HSD17B12: variants seen among roughly 807,000 people sequenced by gnomAD.
HSD17B12 encodes the protein very-long-chain 3-oxoacyl-CoA reductase.
HSD17B12 carries 32 observed loss-of-function variants against 39.3 expected under a neutral mutation model. The ratio of observed to expected loss-of-function variants is 0.81; its 90% CI spans 0.61 to 1.09. HSD17B12 has a LOEUF of 1.09. Ranked by LOEUF, HSD17B12 falls within the 50% of genes least tolerant of loss-of-function variation. The pLI, the probability that HSD17B12 is intolerant of heterozygous loss-of-function variation, is 0.00. For missense variants in HSD17B12, 342 were observed against 382.9 expected, an observed-to-expected ratio of 0.89 and a Z score of 0.89; for synonymous variants, 150 against 146.7, an observed-to-expected ratio of 1.02 and a Z score of -0.16.
In HSD17B12 at chr11:43,840,156, T is replaced by A. The variant is rs139820205; in HGVS notation, c.684+92T>A. ...CTTGGCAATAACAAAAAAAATCATA[T>A]TCCTAAGTAAGTGAATGTGACATTA... On this transcript the variant is annotated intron_variant, in intron 9 of 10. Coordinates refer to ENST00000278353, the MANE Select transcript of HSD17B12 (RefSeq NM_016142.3). 4.2e-4 allele frequency: 418 copies of A among 987,094 alleles called. 2 individuals are homozygous for A. The African/African-American group carries it at 6.0e-3, about 14-fold the overall frequency. 61.1% of individuals were successfully genotyped at this position (987,094 alleles called of 1,614,324 possible). A position where few individuals can be genotyped will look rare whatever the true frequency, so the allele number is the denominator to read the frequency against.
chr11:43,631,487 A>G, the HSD17B12 span, among the ~76,000 whole-genome samples: 1 of 152,120 alleles, frequency 6.6e-6, no homozygotes, highest in Non-Finnish European at 1.5e-5. Context: ...GCTGAGAGAC[A>G]GTAGGTTCCT....
intron 1 of HSD17B12, among the ~76,000 whole-genome samples, chr11:43,702,663 A>T (rs902983628): frequency 6.6e-6 from 1 of 152,172 alleles, no homozygotes; most frequent in African/African-American, 2.4e-5. Context: ...CATCCTAGGG[A>T]TAAATCCCAC....
the HSD17B12 span, among the ~76,000 whole-genome samples, chr11:43,563,535 C>G: frequency 6.6e-6 from 1 of 152,208 alleles, no homozygotes; most frequent in Admixed American, 6.5e-5. Flanking sequence ...CATATTTTGG[C>G]CAGATGCAGT....
chr11:43,786,433 G>C (rs2135021379), intron 3 of HSD17B12, among the ~76,000 whole-genome samples: 2 of 152,134 alleles, frequency 1.3e-5, no homozygotes, highest in Middle Eastern at 6.8e-3. Context: ...AATACAGCCG[G>C]GTGCCACTGC....
chr11:43,763,297 A>C (rs1950568936), intron 3 of HSD17B12, among the ~76,000 whole-genome samples: 1 of 152,128 alleles, frequency 6.6e-6, no homozygotes, highest in African/African-American at 2.4e-5. Flanking sequence ...GGTTATTAGC[A>C]AATCTAGCAT....
At chr11:43,730,814 C>T (rs1950260684) in intron 1 of HSD17B12, among the ~76,000 whole-genome samples, 1 of 152,018 alleles carries the variant, frequency 6.6e-6, no homozygotes. Flanking sequence ...TAGTTATTCA[C>T]CAGGAGACTC....
the HSD17B12 span, among the ~76,000 whole-genome samples, chr11:43,631,553 GTGTC>G: frequency 2.0e-5 from 3 of 151,828 alleles, no homozygotes; most frequent in South Asian, 6.3e-4. Context: ...GTGTGTGTGT[GTGTC>G]TCTCTCTCTC....
intron 9 of HSD17B12, among the ~76,000 whole-genome samples, chr11:43,840,837 G>A (rs1349386861): frequency 6.6e-6 from 1 of 152,166 alleles, no homozygotes; most frequent in Non-Finnish European, 1.5e-5. Context: ...ATGAGCATGA[G>A]TGTACAAATA....
the HSD17B12 span, among the ~76,000 whole-genome samples, chr11:43,653,184 A>C: frequency 5.8e-4 from 88 of 152,234 alleles, no homozygotes; most frequent in Non-Finnish European, 1.1e-3. Flanking sequence ...ATAACAAAAG[A>C]CTATAACAAG....
intron 1 of HSD17B12, among the ~76,000 whole-genome samples, chr11:43,727,282 G>C (rs775321798): frequency 6.6e-6 from 1 of 152,166 alleles, no homozygotes; most frequent in Non-Finnish European, 1.5e-5. Context: ...AAATATTACA[G>C]CAGTCCTTGT....
At chr11:43,773,693 A>T (rs1012347285) in intron 3 of HSD17B12, among the ~76,000 whole-genome samples, 4 of 152,212 alleles carry the variant, frequency 2.6e-5, no homozygotes, top group African/African-American at 7.2e-5. Context: ...CTATACTGAC[A>T]CATCGTTATC....
chr11:43,747,728 C>T (rs773180958), intron 1 of HSD17B12, among the ~76,000 whole-genome samples: 28 of 152,220 alleles, frequency 1.8e-4, no homozygotes, highest in Admixed American at 6.5e-4. Flanking sequence ...TAAACCGCCA[C>T]TGCTATAGAT....
At chr11:43,649,289 A>T in the HSD17B12 span, among the ~76,000 whole-genome samples, 1 of 152,170 alleles carries the variant, frequency 6.6e-6, no homozygotes, top group South Asian at 2.1e-4. Context: ...AGTTAATTTT[A>T]AAATATTTGA....
At position 43,797,957 on chromosome 11, in the gene HSD17B12, A is replaced by G. The variant is rs191455404; in HGVS notation, c.284-363A>G. Among the ~76,000 whole-genome samples, 732 of 152,348 alleles carry G rather than the reference A, an allele frequency of 4.8e-3. 6 individuals carry two copies. The highest frequency in any genetic ancestry group is 0.017 in the African/African-American group (693 of 41,590). ...AGTTACAAAGCACCAATTTACAATTAAAATCACAAAGCCAGTGATATTTAA... is the reference window on the plus strand; with the variant it reads ...AGTTACAAAGCACCAATTTACAATTGAAATCACAAAGCCAGTGATATTTAA... On this transcript the variant is annotated intron_variant, in intron 3 of 10. Transcript: ENST00000278353.
At chr11:43,596,891 G>T in the HSD17B12 span, among the ~76,000 whole-genome samples, 1 of 152,206 alleles carries the variant, frequency 6.6e-6, no homozygotes, top group African/African-American at 2.4e-5. Flanking sequence ...GTCTGAAGAA[G>T]TTCAGACATC....
At chr11:43,672,338 C>T in the HSD17B12 span, among the ~76,000 whole-genome samples, 5 of 152,068 alleles carry the variant, frequency 3.3e-5, no homozygotes, top group Non-Finnish European at 5.9e-5. Flanking sequence ...CGTGAGCCAC[C>T]GCTCCCGGCC....
chr11:43,854,700 G>T lies in HSD17B12; in HGVS notation c.685-15G>T, dbSNP rs1951564612. ...ATCAATGGCATGTTTTCTGGGGTGG[G>T]TGTTCCCTTTCTAGAGTGTCCTGCC... On this transcript the variant is annotated splice_polypyrimidine_tract_variant and intron_variant, in intron 9 of 10. Coordinates refer to ENST00000278353, the MANE Select transcript of HSD17B12 (RefSeq NM_016142.3). The T allele has an allele frequency of 1.2e-6, 2 of 1,612,630 alleles. No homozygotes were observed. The highest frequency in any genetic ancestry group is 1.7e-6 in the Non-Finnish European group (2 of 1,179,896).
intron 3 of HSD17B12, among the ~76,000 whole-genome samples, chr11:43,794,272 T>C (rs1434595465): frequency 6.6e-6 from 1 of 152,218 alleles, no homozygotes; most frequent in East Asian, 1.9e-4. Flanking sequence ...CATGGAATTC[T>C]TTAAGTCTTT....
the HSD17B12 span, among the ~76,000 whole-genome samples, chr11:43,597,719 C>G: frequency 6.6e-6 from 1 of 152,164 alleles, no homozygotes; most frequent in African/African-American, 2.4e-5. Context: ...GATCTTGGCT[C>G]GCTGCAACCT....
Sources: allele counts gnomAD v4.1 joint callset (sites outside exome capture counted in the v4.1 genomes callset), GRCh38; gene constraint gnomAD v4.1.1; transcripts MANE v1.5; gene names NCBI Gene and HGNC (gene_info 2026-07-23, HGNC 2026-07-21).